DTNB: variants seen among roughly 807,000 people sequenced by gnomAD.
DTNB encodes dystrobrevin beta, also known as DTN-B.
DTNB carries 63 observed loss-of-function variants against 90.7 expected under a neutral mutation model. The observed-to-expected ratio is 0.69, with a 90% confidence interval of 0.57 to 0.86. The LOEUF (loss-of-function observed/expected upper bound fraction) is 0.86. Among genes scored for constraint, DTNB ranks in the 40% least tolerant of loss-of-function variants. The probability of loss-of-function intolerance (pLI) is 0.00; values close to 1 mark genes in which losing one functional copy is unlikely to be tolerated. For synonymous variants in DTNB, 277 were observed against 286.7 expected (o/e 0.97, Z 0.34); for missense variants, 744 against 807.1 (o/e 0.92, Z 0.95).
chr2:25,636,619 T>C (rs1390331842), intron 3 of DTNB, among the ~76,000 whole-genome samples: 2 of 152,158 alleles, frequency 1.3e-5, no homozygotes, highest in Non-Finnish European at 2.9e-5. Flanking sequence ...TATCTAGATA[T>C]ATAAATATAT....
At chr2:25,534,156 C>T (rs951943709) in intron 8 of DTNB, among the ~76,000 whole-genome samples, 1 of 152,120 alleles carries the variant, frequency 6.6e-6, no homozygotes, top group African/African-American at 2.4e-5. Flanking sequence ...CTTTGGCCTT[C>T]GGCCCTGTTT....
At chr2:25,603,004 T>C (rs2066230718) in intron 5 of DTNB, among the ~76,000 whole-genome samples, 1 of 152,172 alleles carries the variant, frequency 6.6e-6, no homozygotes, top group Admixed American at 6.5e-5. Context: ...TTCCTTAGGA[T>C]AAACTCAAGA....
At chr2:25,412,589 A>G (rs35065219) in intron 16 of DTNB, among the ~76,000 whole-genome samples, 29,787 of 152,242 alleles carry the variant, frequency 0.2, 3,636 homozygotes, top group Non-Finnish European at 0.27. Flanking sequence ...TATTAAACAT[A>G]TATAAAGTCT....
intron 12 of DTNB, among the ~76,000 whole-genome samples, chr2:25,450,067 T>C (rs147957232): frequency 7.2e-4 from 110 of 152,356 alleles, no homozygotes; most frequent in African/African-American, 2.4e-3. Context: ...GTCTAATTTA[T>C]CAATTTTTAA....
At chr2:25,472,861 G>A (rs2063062014) in intron 10 of DTNB, among the ~76,000 whole-genome samples, 2 of 152,172 alleles carry the variant, frequency 1.3e-5, no homozygotes, top group South Asian at 4.1e-4. Flanking sequence ...CCTAGCGCCT[G>A]GGTGACAAGA....
intron 9 of DTNB, among the ~76,000 whole-genome samples, chr2:25,507,655 C>T (rs1398799886): frequency 6.6e-6 from 1 of 152,108 alleles, no homozygotes; most frequent in African/African-American, 2.4e-5. Context: ...AAGCTGACTC[C>T]TTCCTTCCAT....
intron 9 of DTNB, among the ~76,000 whole-genome samples, chr2:25,525,486 A>T (rs542468624): frequency 1.1e-4 from 16 of 152,218 alleles, no homozygotes; most frequent in African/African-American, 3.9e-4. Flanking sequence ...AAAATATAAA[A>T]TTAGCTGGGG....
At chr2:25,436,343 A>G (rs201415787) in intron 12 of DTNB, among the ~76,000 whole-genome samples, 1 of 133,064 alleles carries the variant, frequency 7.5e-6, no homozygotes, top group African/African-American at 3.2e-5. Context: ...TGGGGAAAAA[A>G]GAAAAAAAAA....
chr2:25,604,399 T>TTCTCTCTCTCCCTTCTTTC (rs2066613079), intron 5 of DTNB, among the ~76,000 whole-genome samples: 1 of 149,162 alleles, frequency 6.7e-6, no homozygotes, highest in Non-Finnish European at 1.5e-5. Flanking sequence ...TCTCCCTTCT[T>TTCTCTCTCTCCCTTCTTTC]TCTCTCTCTC....
chr2:25,637,549 G>T (rs2077377169), intron 3 of DTNB, among the ~76,000 whole-genome samples: 1 of 152,112 alleles, frequency 6.6e-6, no homozygotes, highest in Non-Finnish European at 1.5e-5. Context: ...GTGGGCGAAG[G>T]ATATGAACAG....
At chr2:25,397,571 A>C (rs1432885424) in intron 16 of DTNB, among the ~76,000 whole-genome samples, 1 of 152,132 alleles carries the variant, frequency 6.6e-6, no homozygotes, top group Non-Finnish European at 1.5e-5. Flanking sequence ...CAAGATGGAA[A>C]TTAAATCCAC....
At chr2:25,598,492 A>G (rs1421711061) in intron 5 of DTNB, among the ~76,000 whole-genome samples, 1 of 152,186 alleles carries the variant, frequency 6.6e-6, no homozygotes, top group Admixed American at 6.5e-5. Context: ...TTACTCTACT[A>G]TTACAGCTTA....
chr2:25,668,896 GAATA>G (rs2085154322), intron 1 of DTNB, among the ~76,000 whole-genome samples: 2 of 152,148 alleles, frequency 1.3e-5, no homozygotes, highest in African/African-American at 4.8e-5. Context: ...ATCAATGAAT[GAATA>G]AACAAAATGT....
chr2:25,403,124 C>CT lies in DTNB; in HGVS notation c.1576-14764dup, dbSNP rs879793477. On this transcript the variant is annotated intron_variant, in intron 16 of 20. Transcript: ENST00000406818. Reference sequence around the variant, plus strand: ...TATTTGAAAATGGTATCCCAGTAGTCTTTTTTTTTGAGACAGAGTCTTGCT... The same window carrying CT: ...TATTTGAAAATGGTATCCCAGTAGTCTTTTTTTTTTGAGACAGAGTCTTGCT... 4.6e-4 allele frequency among the ~76,000 whole-genome samples: 70 copies of CT among 151,438 alleles called. 1 individual carries two copies. The highest frequency in any genetic ancestry group is 6.3e-4 in the South Asian group (3 of 4,768).
intron 16 of DTNB, among the ~76,000 whole-genome samples, chr2:25,404,150 G>A (rs1160806169): frequency 6.6e-6 from 1 of 152,168 alleles, no homozygotes; most frequent in African/African-American, 2.4e-5. Context: ...GGGGTAGGGG[G>A]CTATGCAGCT....
intron 9 of DTNB, among the ~76,000 whole-genome samples, chr2:25,519,881 A>T (rs1237478467): frequency 6.6e-6 from 1 of 152,180 alleles, no homozygotes; most frequent in South Asian, 2.1e-4. Flanking sequence ...CTAAGAAAAA[A>T]GTATCATCTT....
chr2:25,656,687 C>T (rs906554068), intron 1 of DTNB, among the ~76,000 whole-genome samples: 5 of 152,216 alleles, frequency 3.3e-5, no homozygotes, highest in African/African-American at 1.2e-4. Context: ...CTCTCCACCC[C>T]TGTCTTCCTA....
chr2:25,628,219 T>TGAAC lies in DTNB; in HGVS notation c.313_314insGTTC (p.Glu105GlyfsTer17), dbSNP rs1559297673. ...GTTGAGGAGGAGGCTGATAGATTGTTCCACACTAATTTGGTGAGTAGAAGG... is the reference window on the plus strand; with the variant it reads ...GTTGAGGAGGAGGCTGATAGATTGTTGAACCCACACTAATTTGGTGAGTAGAAGG... On this transcript the variant is annotated frameshift_variant, in exon 4 of 21. Transcript: ENST00000406818. LOFTEE classifies it high-confidence loss of function. 37 of 1,613,588 alleles carry TGAAC rather than the reference T, an allele frequency of 2.3e-5. No individual in the cohort carries two copies. Among genetic ancestry groups the TGAAC allele is most frequent in the Non-Finnish European group, 3.0e-5 (35 of 1,179,884 alleles).
At chr2:25,393,829 T>G (rs2041769663) in intron 16 of DTNB, among the ~76,000 whole-genome samples, 1 of 152,020 alleles carries the variant, frequency 6.6e-6, no homozygotes, top group Non-Finnish European at 1.5e-5. Flanking sequence ...CCAAAAGCAA[T>G]CTACAAATTC....
Sources: allele counts gnomAD v4.1 joint callset (sites outside exome capture counted in the v4.1 genomes callset), GRCh38; gene constraint gnomAD v4.1.1; transcripts MANE v1.5; gene names NCBI Gene and HGNC (gene_info 2026-07-23, HGNC 2026-07-21).